TSPAN32: variants seen among roughly 807,000 people sequenced by gnomAD.
TSPAN32 encodes the protein tetraspanin 32.
A neutral mutation model predicts 42.7 loss-of-function variants in TSPAN32; 47 were observed. The observed-to-expected ratio is 1.10, with a 90% CI of 0.87 to 1.40. The LOEUF is 1.40. Among genes scored for constraint, TSPAN32 ranks in the 40% most tolerant of loss-of-function variants. The probability of loss-of-function intolerance (pLI) is 0.00; values close to 1 mark genes in which losing one functional copy is unlikely to be tolerated. For missense variants in TSPAN32, 469 were observed against 424.1 expected (o/e 1.11, Z -0.93); for synonymous variants, 175 against 175.9 (o/e 0.99, Z 0.04).
chr11:2,316,546 G>A (rs1457752976), intron 7 of TSPAN32, 30 bp from the exon 8 acceptor site: 6 of 1,604,960 alleles, frequency 3.7e-6, no homozygotes, highest in Non-Finnish European at 5.1e-6. Context: ...CCCTGGGGCA[G>A]TGGGGCAGCC....
intron 1 of TSPAN32, 170 bp from the exon 2 acceptor site, chr11:2,302,673 AG>A: frequency 1.6e-6 from 1 of 614,414 alleles, no homozygotes; most frequent in East Asian, 2.8e-5. Context: ...GGGCGTCTGC[AG>A]TGAAGGCCTC....
At chr11:2,309,307 C>G (rs754001451) in intron 4 of TSPAN32, 2 of 463,478 alleles carry the variant, frequency 4.3e-6, no homozygotes, top group African/African-American at 4.0e-5. Context: ...GCCTCCACCC[C>G]CTCCACGGAA....
Position 2,317,834 on chromosome 11 carries a change from G to T in TSPAN32, c.902-29G>T, listed in dbSNP as rs968270096. 6 of 1,599,974 alleles carry T rather than the reference G, an allele frequency of 3.8e-6. No homozygotes were observed. The African/African-American group carries it at 6.7e-5, about 18-fold the overall frequency. ...AAGAAGCAGCATGGATGTAAGGACT[G>T]CAAGCAGTGCCCATTTATGATCTCG... On this transcript the variant is annotated intron_variant, in intron 9 of 9. Coordinates refer to ENST00000182290, the MANE Select transcript of TSPAN32 (RefSeq NM_139022.3). The surrounding 1 kb of genome is among the most constrained non-coding windows in gnomAD (Gnocchi z 6.2).
Position 2,314,582 on chromosome 11 carries a change from G to A in TSPAN32, c.543+11G>A. 6.3e-7 allele frequency: 1 copy of A among 1,598,778 alleles called. No homozygotes were observed. Among genetic ancestry groups the A allele is most frequent in the South Asian group, 1.1e-5 (1 of 88,536 alleles). On this transcript the variant is annotated intron_variant, in intron 6 of 9. Transcript: ENST00000182290. Reference sequence around the variant, plus strand: ...GAGGCGGCGAGAGAGGTGAGGGGGGGACCTGGATGCTGGCCAGGCAAGACC... The same window carrying A: ...GAGGCGGCGAGAGAGGTGAGGGGGGAACCTGGATGCTGGCCAGGCAAGACC...
intron 1 of TSPAN32, chr11:2,302,632 C>T (rs59210892): frequency 1.7e-6 from 1 of 587,802 alleles, no homozygotes; most frequent in Non-Finnish European, 3.0e-6. Flanking sequence ...GTGTATGCGT[C>T]TACCATGTGG....
At chr11:2,307,324 G>A (rs1288726006) in intron 3 of TSPAN32, among the ~76,000 whole-genome samples, 1 of 152,208 alleles carries the variant, frequency 6.6e-6, no homozygotes, top group African/African-American at 2.4e-5. Context: ...CATGCTCCTG[G>A]CATCACCCTG....
chr11:2,302,275 G>C, intron 1 of TSPAN32, 60 bp downstream of exon 1: 3 of 1,314,112 alleles, frequency 2.3e-6, no homozygotes, highest in Non-Finnish European at 3.0e-6. Flanking sequence ...GTGAGGGGTG[G>C]CAGGGCCTCA....
At chr11:2,305,329 G>C (rs1403879957) in intron 3 of TSPAN32, among the ~76,000 whole-genome samples, 1 of 152,062 alleles carries the variant, frequency 6.6e-6, no homozygotes, top group East Asian at 1.9e-4. Flanking sequence ...TTCAGGGCCA[G>C]GTGGGAGGCC....
chr11:2,313,725 G>A lies in TSPAN32; in HGVS notation c.426G>A (p.Arg142=). 6.2e-7 allele frequency: 1 copy of A among 1,606,170 alleles called. No individual in the cohort carries two copies. The change falls in exon 5 of 10, where the codon CGG becomes CGA. Residue 142 remains arginine (R), a synonymous_variant. Transcript: ENST00000182290. The surrounding 1 kb of genome is among the most constrained non-coding windows in gnomAD (Gnocchi z 9.1). Reference sequence around the variant, plus strand: ...CGATGAAAGGTACGTCCCACGTCCGGCGGCAGGAGCTGGCGGCCATCCAGG... The same window carrying A: ...CGATGAAAGGTACGTCCCACGTCCGACGGCAGGAGCTGGCGGCCATCCAGG... ...EQAMKGTSHV[R]RQELAAIQDV... is the part of the protein sequence containing the mutation.
chr11:2,309,814 G>C (rs1304035029), intron 4 of TSPAN32, among the ~76,000 whole-genome samples: 2 of 152,106 alleles, frequency 1.3e-5, no homozygotes, highest in African/African-American at 4.8e-5. Context: ...TTTGCAAATG[G>C]GGGGACTCAG....
At chr11:2,306,497 C>T (rs530205647) in intron 3 of TSPAN32, among the ~76,000 whole-genome samples, 1 of 151,934 alleles carries the variant, frequency 6.6e-6, no homozygotes, top group South Asian at 2.1e-4. Flanking sequence ...CTGGGTGGGC[C>T]CATCCACCAC....
Position 2,305,377 on chromosome 11 carries a change from C to G in TSPAN32, c.279+1173C>G, listed in dbSNP as rs576711127. On this transcript the variant is annotated intron_variant, in intron 3 of 9. Transcript: ENST00000182290. Reference sequence around the variant, plus strand: ...TGACAAGGCAGGTAGTCTGCCCCCCCCCCCAGAGGGTGTGTGGCCTGCAAA... The same window carrying G: ...TGACAAGGCAGGTAGTCTGCCCCCCGCCCCAGAGGGTGTGTGGCCTGCAAA... Among the ~76,000 whole-genome samples the G allele has an allele frequency of 5.6e-5, 8 of 143,698 alleles. No homozygotes were observed. In the South Asian group the frequency reaches 8.5e-4, roughly 15 times the overall value. 94.3% of individuals were successfully genotyped at this position (143,698 alleles called of 152,430 possible).
intron 6 of TSPAN32, chr11:2,315,887 G>T: frequency 1.4e-6 from 2 of 1,440,138 alleles, no homozygotes; most frequent in Non-Finnish European, 1.9e-6. Flanking sequence ...CCCGGCCCTG[G>T]GCTGGATGCT....
At chr11:2,308,839 T>C (rs1367288063) in intron 4 of TSPAN32, 29 bp downstream of exon 4, 1 of 1,493,388 alleles carries the variant, frequency 6.7e-7, no homozygotes. Context: ...TACCCTGCAG[T>C]GGAGGGTCCC....
intron 4 of TSPAN32, among the ~76,000 whole-genome samples, chr11:2,312,220 G>A (rs1020703310): frequency 6.6e-6 from 1 of 152,234 alleles, no homozygotes; most frequent in African/African-American, 2.4e-5. Context: ...ACAGTCATTG[G>A]AGTTGGGAGG....
In TSPAN32 at chr11:2,317,678, A is replaced by T. The variant is rs750265006; in HGVS notation, c.901+153A>T. On this transcript the variant is annotated intron_variant, in intron 9 of 9. Coordinates refer to ENST00000182290, the MANE Select transcript of TSPAN32 (RefSeq NM_139022.3). This position sits in a 1 kb window ranked among gnomAD's most constrained non-coding sequence, Gnocchi z 6.2. ...GTAGCTCACCAAATCCCTCCATGGG[A>T]ACGGGCTGGGAGCAAGCACAAAGGA... is the stretch of plus-strand genomic sequence containing the variant. The T allele has an allele frequency of 6.1e-6, 6 of 985,398 alleles. No homozygotes were observed. Among genetic ancestry groups the T allele is most frequent in the Non-Finnish European group, 7.2e-6 (6 of 829,920 alleles). 61.0% of individuals were successfully genotyped at this position (985,398 alleles called of 1,614,324 possible).
rs759992010 is a variant in TSPAN32, at chr11:2,317,968, G to A, written c.*44G>A. 3 of 798,898 alleles carry A rather than the reference G, an allele frequency of 3.8e-6. No individual in the cohort carries two copies. Among genetic ancestry groups the A allele is most frequent in the East Asian group, 2.4e-5 (1 of 41,152 alleles). The allele number at this position is 798,898 out of a possible 1,614,324, so 49.5% of individuals were successfully genotyped here. ...TGCACTCTCACCTGGAGGCTCCGGG[G>A]AAGCATCTGCCTCCAGGACCATTCA... is the stretch of plus-strand genomic sequence containing the variant. On this transcript the variant is annotated 3_prime_UTR_variant, in exon 10 of 10. Transcript: ENST00000182290. This position sits in a 1 kb window ranked among gnomAD's most constrained non-coding sequence, Gnocchi z 6.2.
intron 6 of TSPAN32, 35 bp downstream of exon 6, chr11:2,314,606 C>A: frequency 6.4e-7 from 1 of 1,551,272 alleles, no homozygotes; most frequent in Non-Finnish European, 8.8e-7. Flanking sequence ...CCAGGCAAGA[C>A]CCTCGGGGGC....
Position 2,318,038 on chromosome 11 carries a change from C to A in TSPAN32, c.*114C>A. 1 of 621,300 alleles carries A rather than the reference C, an allele frequency of 1.6e-6. No individual in the cohort carries two copies. Among genetic ancestry groups the A allele is most frequent in the Non-Finnish European group, 2.9e-6 (1 of 348,158 alleles). The allele number at this position is 621,300 out of a possible 1,614,324, so 38.5% of individuals were successfully genotyped here. A position where few individuals can be genotyped will look rare whatever the true frequency, so the allele number is the denominator to read the frequency against. ...CCTCATGGCTGTAGGACTGAGGTTCCCAAGTCCTTGTCCCTGGTCCTGTGG... is the reference window on the plus strand; with the variant it reads ...CCTCATGGCTGTAGGACTGAGGTTCACAAGTCCTTGTCCCTGGTCCTGTGG... On this transcript the variant is annotated 3_prime_UTR_variant, in exon 10 of 10. Transcript: ENST00000182290. This position sits in a 1 kb window ranked among gnomAD's most constrained non-coding sequence, Gnocchi z 4.2.
Sources: gnomAD v4.1 joint callset for allele counts (sites outside exome capture counted in the v4.1 genomes callset) on GRCh38, gnomAD v4.1.1 for gene constraint, Gnocchi (gnomAD v3.1) non-coding constraint, MANE v1.5 for transcripts, NCBI Gene and HGNC (gene_info 2026-07-23, HGNC 2026-07-21) for gene names.